The following OR3A2 variants were observed in gnomAD, a reference collection of about 807,000 sequenced individuals.
OR3A2 encodes the protein olfactory receptor family 3 subfamily A member 2.
For synonymous variants in OR3A2, 126 were observed against 159.3 expected, an observed-to-expected ratio of 0.79 and a Z score of 1.57; for missense variants, 318 against 392.8, an observed-to-expected ratio of 0.81 and a Z score of 1.61.
chr17:3,295,951 G>GT (rs1245210240), intron 3 of OR3A2, among the ~76,000 whole-genome samples: 10 of 152,062 alleles, frequency 6.6e-5, no homozygotes, highest in African/African-American at 2.4e-4. Flanking sequence ...CAGAAACAGG[G>GT]TAACAGTGGA....
At chr17:3,319,718 TG>T (rs1358053358) in intron 3 of OR3A2, among the ~76,000 whole-genome samples, 1 of 152,256 alleles carries the variant, frequency 6.6e-6, no homozygotes, top group Non-Finnish European at 1.5e-5. Context: ...TCATTTTTTA[TG>T]GCTGCATAGT....
chr17:3,278,305 C>G (rs1266422501), exon 2 of OR3A2: 2 of 1,614,110 alleles, frequency 1.2e-6, no homozygotes, highest in East Asian at 2.2e-5. Context: ...ATGAAACCCA[C>G]AGCAAAGAGC....
chr17:3,385,505 G>A (rs1030300224), intron 1 of OR3A2, among the ~76,000 whole-genome samples: 10 of 152,172 alleles, frequency 6.6e-5, no homozygotes, highest in Non-Finnish European at 1.5e-5. Context: ...GAGGAGTTTT[G>A]AGTGCTTATT....
intron 3 of OR3A2, among the ~76,000 whole-genome samples, chr17:3,300,603 G>A (rs2048955192): frequency 6.6e-6 from 1 of 151,806 alleles, no homozygotes; most frequent in Admixed American, 6.6e-5. Context: ...TCACAATAGA[G>A]ACACTATTTT....
At position 3,349,368 on chromosome 17, in the gene OR3A2, C is replaced by T. The variant is rs554291357; in HGVS notation, c.-178-13242G>A. ...CAAGCAAATGGAAAACAAAAAAAGG[C>T]AGGGGTTGCAATCCTAGTCTCTGAT... On this transcript the variant is annotated intron_variant, in intron 2 of 4. Coordinates refer to the OR3A2 transcript ENST00000573491. Among the ~76,000 whole-genome samples, 4 of 152,034 alleles carry T rather than the reference C, an allele frequency of 2.6e-5. No individual in the cohort carries two copies. In the East Asian group the frequency reaches 7.7e-4, roughly 29 times the overall value.
intron 2 of OR3A2, among the ~76,000 whole-genome samples, chr17:3,380,282 A>G (rs980167839): frequency 8.5e-5 from 13 of 152,202 alleles, no homozygotes; most frequent in Non-Finnish European, 1.3e-4. Context: ...GCAATACACG[A>G]GAACGACCTG....
In OR3A2 at chr17:3,311,622, C is replaced by G. The variant is rs8077966; in HGVS notation, c.-85+24411G>C. 1 of 358,386 alleles carries G rather than the reference C, an allele frequency of 2.8e-6. No homozygotes were observed. The highest frequency in any genetic ancestry group is 5.7e-6 in the Non-Finnish European group (1 of 175,618). 22.2% of individuals were successfully genotyped at this position (358,386 alleles called of 1,614,324 possible). ...TGGGGGCCACCTTCATAGGAGTGAT[C>G]CCCATGATCTTTATCTCAGTGTCCT... On this transcript the variant is annotated intron_variant, in intron 3 of 4. Coordinates refer to the OR3A2 transcript ENST00000573491. The surrounding 1 kb of genome is among the most constrained non-coding windows in gnomAD (Gnocchi z 4.6).
chr17:3,322,874 G>T (rs1353042510), intron 3 of OR3A2, among the ~76,000 whole-genome samples: 1 of 152,154 alleles, frequency 6.6e-6, no homozygotes, highest in East Asian at 1.9e-4. Flanking sequence ...GAGTTCTGTA[G>T]ATGTCTATTA....
At chr17:3,385,705 T>C (rs1201053337) in intron 1 of OR3A2, among the ~76,000 whole-genome samples, 1 of 152,196 alleles carries the variant, frequency 6.6e-6, no homozygotes, top group Admixed American at 6.5e-5. Flanking sequence ...AGTTACCCAC[T>C]ACGCTAGAAC....
chr17:3,377,327 G>C (rs1438728920), intron 2 of OR3A2, among the ~76,000 whole-genome samples: 4 of 152,200 alleles, frequency 2.6e-5, no homozygotes, highest in Admixed American at 6.5e-5. Flanking sequence ...TCATGAAGCT[G>C]TTAGGAATAT....
chr17:3,282,044 T>C (rs2048779778), intron 1 of OR3A2, among the ~76,000 whole-genome samples: 1 of 152,114 alleles, frequency 6.6e-6, no homozygotes, highest in South Asian at 2.1e-4. Context: ...TTTTTCTCCA[T>C]ACCGGACATG....
At chr17:3,288,496 T>G (rs2048836336), upstream of OR3A2, among the ~76,000 whole-genome samples, 1 of 152,152 alleles carries the variant, frequency 6.6e-6, no homozygotes, top group Non-Finnish European at 1.5e-5. Context: ...CACAACACAA[T>G]CACCTAACAA....
intron 2 of OR3A2, among the ~76,000 whole-genome samples, chr17:3,371,407 T>C (rs1296834481): frequency 1.4e-5 from 2 of 144,950 alleles, no homozygotes; most frequent in Admixed American, 6.8e-5. Flanking sequence ...ACGGGGTGGC[T>C]GGCTGGGCAG....
chr17:3,372,722 G>A (rs1027946000), intron 2 of OR3A2, among the ~76,000 whole-genome samples: 1 of 151,842 alleles, frequency 6.6e-6, no homozygotes, highest in African/African-American at 2.4e-5. Flanking sequence ...CACTCGGCAG[G>A]CTGAGGCAGG....
chr17:3,292,192 G>A lies in OR3A2; in HGVS notation c.-84-13039C>T, dbSNP rs200309257. The A allele has an allele frequency of 2.0e-4, 328 of 1,614,038 alleles. 3 individuals carry two copies. The highest frequency in any genetic ancestry group is 2.9e-4 in the African/African-American group (22 of 74,914). On this transcript the variant is annotated intron_variant, in intron 3 of 4. Coordinates refer to the OR3A2 transcript ENST00000573491. ...ATGCGGGTGCTGTAGGTGAGGGGCCGGCAGATGGCCAGGAATCGGTCATAG... is the reference window on the plus strand; with the variant it reads ...ATGCGGGTGCTGTAGGTGAGGGGCCAGCAGATGGCCAGGAATCGGTCATAG...
chr17:3,359,552 G>T (rs747874164), intron 2 of OR3A2, among the ~76,000 whole-genome samples: 1 of 151,738 alleles, frequency 6.6e-6, no homozygotes, highest in African/African-American at 2.4e-5. Flanking sequence ...GGCTGGATAT[G>T]AAATTCTTGG....
chr17:3,382,252 T>C (rs1247599686), intron 2 of OR3A2, among the ~76,000 whole-genome samples: 2 of 152,196 alleles, frequency 1.3e-5, no homozygotes, highest in Non-Finnish European at 2.9e-5. Context: ...GGGATATTTG[T>C]ATGAGTGCAA....
chr17:3,373,497 G>A (rs980679820), intron 2 of OR3A2, among the ~76,000 whole-genome samples: 1 of 152,088 alleles, frequency 6.6e-6, no homozygotes, highest in African/African-American at 2.4e-5. Context: ...TATATAGTTA[G>A]AATTGTGATA....
intron 2 of OR3A2, among the ~76,000 whole-genome samples, chr17:3,367,336 T>C (rs2150662272): frequency 6.6e-6 from 1 of 152,170 alleles, no homozygotes; most frequent in South Asian, 2.1e-4. Flanking sequence ...CTGTACCCAA[T>C]GTGTAATCTT....
Sources: gnomAD v4.1 joint callset for allele counts (sites outside exome capture counted in the v4.1 genomes callset) on GRCh38, gnomAD v4.1.1 for gene constraint, Gnocchi (gnomAD v3.1) non-coding constraint, MANE v1.5 for transcripts, NCBI Gene and HGNC (gene_info 2026-07-23, HGNC 2026-07-21) for gene names.